The following COX7B2 variants were observed in gnomAD, a reference collection of about 807,000 sequenced individuals.
COX7B2 encodes cytochrome c oxidase subunit 7B2, mitochondrial.
For synonymous variants in COX7B2, 37 were observed against 32.1 expected (o/e 1.15, Z -0.51); for missense variants, 109 against 95.9 (o/e 1.14, Z -0.57).
intron 1 of COX7B2, among the ~76,000 whole-genome samples, chr4:46,899,271 T>C (rs114395260): frequency 6.6e-6 from 1 of 152,180 alleles, no homozygotes; most frequent in Non-Finnish European, 1.5e-5. Context: ...CAAGCTAGAT[T>C]TCAGTACCCA....
intron 2 of COX7B2, among the ~76,000 whole-genome samples, chr4:46,792,756 T>C (rs1285446639): frequency 6.6e-6 from 1 of 152,206 alleles, no homozygotes; most frequent in Admixed American, 6.5e-5. Flanking sequence ...AGGACAGATT[T>C]TGATACCTAG....
chr4:46,861,545 T>A (rs949516593), intron 1 of COX7B2, among the ~76,000 whole-genome samples: 1 of 152,150 alleles, frequency 6.6e-6, no homozygotes, highest in Non-Finnish European at 1.5e-5. Flanking sequence ...AGAAACTCAT[T>A]TCTACTGCAA....
At chr4:46,851,328 A>C (rs1419273205) in intron 1 of COX7B2, among the ~76,000 whole-genome samples, 1 of 152,142 alleles carries the variant, frequency 6.6e-6, no homozygotes, top group Non-Finnish European at 1.5e-5. Flanking sequence ...CTCTTACTCC[A>C]GATTTAACAT....
intron 1 of COX7B2, among the ~76,000 whole-genome samples, chr4:46,887,945 C>A (rs190367858): frequency 1.6e-3 from 239 of 152,180 alleles, no homozygotes; most frequent in African/African-American, 5.6e-3. Flanking sequence ...AGCCATTAAT[C>A]AAGCCAGAAC....
intron 2 of COX7B2, among the ~76,000 whole-genome samples, chr4:46,820,061 G>A (rs1714163369): frequency 6.6e-6 from 1 of 152,124 alleles, no homozygotes; most frequent in Non-Finnish European, 1.5e-5. Flanking sequence ...AGTCGGGATG[G>A]TTTCAGGATG....
At chr4:46,736,507 C>T (rs1440869945) in intron 2 of COX7B2, among the ~76,000 whole-genome samples, 1 of 151,876 alleles carries the variant, frequency 6.6e-6, no homozygotes, top group Non-Finnish European at 1.5e-5. Flanking sequence ...GAGGAAGGAA[C>T]TCAGATAAAA....
intron 2 of COX7B2, among the ~76,000 whole-genome samples, chr4:46,840,505 A>T (rs1451308541): frequency 6.6e-6 from 1 of 151,974 alleles, no homozygotes; most frequent in Non-Finnish European, 1.5e-5. Context: ...TGTAAATAGA[A>T]GAAAGAGCAT....
chr4:46,750,582 T>G (rs1221898665), intron 2 of COX7B2, among the ~76,000 whole-genome samples: 1 of 152,146 alleles, frequency 6.6e-6, no homozygotes, highest in Admixed American at 6.6e-5. Flanking sequence ...AGAATACCAC[T>G]CAATGGTTTC....
intron 2 of COX7B2, among the ~76,000 whole-genome samples, chr4:46,815,015 G>A (rs1434916860): frequency 5.9e-5 from 9 of 152,024 alleles, no homozygotes; most frequent in East Asian, 5.8e-4. Flanking sequence ...GCGAAACCCC[G>A]TCTCTACTGA....
At chr4:46,745,590 C>A in intron 2 of COX7B2, among the ~76,000 whole-genome samples, 1 of 152,068 alleles carries the variant, frequency 6.6e-6, no homozygotes, top group East Asian at 1.9e-4. Context: ...GAAAAACTGG[C>A]CAGAGGGGCA....
intron 1 of COX7B2, among the ~76,000 whole-genome samples, chr4:46,859,571 T>C (rs1170579860): frequency 6.6e-6 from 1 of 152,214 alleles, no homozygotes; most frequent in Non-Finnish European, 1.5e-5. Flanking sequence ...AGATTAATGG[T>C]AATTTTGATT....
At chr4:46,749,201 G>A (rs1021978007) in intron 2 of COX7B2, among the ~76,000 whole-genome samples, 2 of 152,112 alleles carry the variant, frequency 1.3e-5, no homozygotes, top group South Asian at 2.1e-4. Context: ...CAAGTTAAAT[G>A]TAGAAATAAT....
chr4:46,807,049 T>C (rs901476086), intron 2 of COX7B2, among the ~76,000 whole-genome samples: 3 of 151,970 alleles, frequency 2.0e-5, no homozygotes, highest in African/African-American at 7.2e-5. Flanking sequence ...GAGGAATTAC[T>C]TGATGATACT....
chr4:46,845,791 G>A (rs1031921710), intron 1 of COX7B2, among the ~76,000 whole-genome samples: 6 of 152,118 alleles, frequency 3.9e-5, no homozygotes, highest in African/African-American at 1.4e-4. Context: ...AACAAGAACT[G>A]AGATATTCAC....
chr4:46,831,595 G>A (rs778177605), intron 2 of COX7B2, among the ~76,000 whole-genome samples: 16 of 152,156 alleles, frequency 1.1e-4, no homozygotes, highest in Non-Finnish European at 2.4e-4. Context: ...CCTAGCTCAA[G>A]GTTTGTAAAC....
intron 2 of COX7B2, among the ~76,000 whole-genome samples, chr4:46,784,708 C>A (rs1717659859): frequency 6.6e-6 from 1 of 152,160 alleles, no homozygotes; most frequent in African/African-American, 2.4e-5. Context: ...AAATTCTCAA[C>A]CCCAAGATCC....
At position 46,750,617 on chromosome 4, in the gene COX7B2, A is replaced by T. The variant is rs187062680; in HGVS notation, c.-49-15376T>A. 2.7e-3 allele frequency among the ~76,000 whole-genome samples: 407 copies of T among 152,264 alleles called. 1 individual carries two copies. The highest frequency in any genetic ancestry group is 9.5e-3 in the African/African-American group (396 of 41,564). On this transcript the variant is annotated intron_variant, in intron 2 of 2. Transcript: ENST00000355591. The stretch of plus-strand genomic sequence containing the variant: ...CTAACTTCTTTTAAGGTAAAGGCTA[A>T]CTTCTTTGATACCACTTCTTCAGTC...
Position 46,762,462 on chromosome 4 carries a change from T to C in COX7B2, c.-49-27221A>G, listed in dbSNP as rs1325704728. 2.5e-5 allele frequency among the ~76,000 whole-genome samples: 3 copies of C among 122,312 alleles called. No individual in the cohort carries two copies. The Admixed American group carries it at 2.7e-4, about 11-fold the overall frequency. 80.2% of individuals were successfully genotyped at this position (122,312 alleles called of 152,430 possible). ...TACTGTATATATATACTATATATAG[T>C]ATATGTACTATATATACTATATATT... On this transcript the variant is annotated intron_variant, in intron 2 of 2. Coordinates refer to ENST00000355591, the MANE Select transcript of COX7B2 (RefSeq NM_130902.3).
intron 1 of COX7B2, among the ~76,000 whole-genome samples, chr4:46,860,175 A>C (rs977520576): frequency 4.7e-4 from 71 of 152,186 alleles, no homozygotes; most frequent in Admixed American, 4.5e-3. Flanking sequence ...CGAGGTGGCA[A>C]GGCAGTGAGA....
Sources: gnomAD v4.1 joint callset for allele counts (sites outside exome capture counted in the v4.1 genomes callset) on GRCh38, gnomAD v4.1.1 for gene constraint, MANE v1.5 for transcripts, NCBI Gene and HGNC (gene_info 2026-07-23, HGNC 2026-07-21) for gene names.